Variants in TM9SF4 observed in about 807,000 individuals in gnomAD.
The protein encoded by TM9SF4 is dinucleotide oxidase disulfide thiol exchanger 3 superfamily member 4.
Under a neutral mutation model 90.4 loss-of-function variants are expected in TM9SF4, and 26 were observed. That is an observed-to-expected ratio of 0.29 (90% confidence interval 0.21 to 0.40). The LOEUF (loss-of-function observed/expected upper bound fraction) is 0.40. Among genes scored for constraint, TM9SF4 ranks in the 10% least tolerant of loss-of-function variants. The pLI is 1.00. For missense variants in TM9SF4, 549 were observed against 834.8 expected (o/e 0.66, Z 4.22); for synonymous variants, 293 against 315.4 (o/e 0.93, Z 0.75).
At chr20:32,119,116 CTG>C (rs2046270141) in intron 1 of TM9SF4, among the ~76,000 whole-genome samples, 1 of 152,088 alleles carries the variant, frequency 6.6e-6, no homozygotes, top group Non-Finnish European at 1.5e-5. Context: ...TTTTGGGAGA[CTG>C]TGTTGCTCAT....
chr20:32,128,790 C>CTGTGTG (rs55977888), intron 1 of TM9SF4, among the ~76,000 whole-genome samples: 2,920 of 145,330 alleles, frequency 0.02, 80 homozygotes, highest in African/African-American at 0.06. Flanking sequence ...GTATTCCATT[C>CTGTGTG]TGTGTGTGTG....
At chr20:32,123,238 A>G (rs1600788800) in intron 1 of TM9SF4, among the ~76,000 whole-genome samples, 2 of 68,824 alleles carry the variant, frequency 2.9e-5, no homozygotes, top group East Asian at 5.0e-4. Context: ...GGAGAGGGAG[A>G]GGCTTTTTTT....
chr20:32,163,269 ATATATATAT>A (rs376088978), intron 17 of TM9SF4, among the ~76,000 whole-genome samples: 1 of 66,974 alleles, frequency 1.5e-5, no homozygotes, highest in African/African-American at 7.1e-5. Context: ...AAAAAAAAAA[ATATATATAT>A]ATATATATAT....
At chr20:32,114,125 T>TA (rs1268097639) in intron 1 of TM9SF4, among the ~76,000 whole-genome samples, 1 of 152,210 alleles carries the variant, frequency 6.6e-6, no homozygotes, top group Non-Finnish European at 1.5e-5. Context: ...CATTCAGGTG[T>TA]AAGTTCTTGT....
intron 16 of TM9SF4, among the ~76,000 whole-genome samples, chr20:32,160,393 G>C (rs2046997848): frequency 6.6e-6 from 1 of 152,212 alleles, no homozygotes. Flanking sequence ...TCCAGTAGTA[G>C]TTTCTTCAAC....
rs934114859 is a variant in TM9SF4 at position 32,121,606 on chromosome 20, C to T, written c.16-11407C>T. Among the ~76,000 whole-genome samples, 678 of 152,196 alleles carry T rather than the reference C, an allele frequency of 4.5e-3. 3 individuals carry two copies. The highest frequency in any genetic ancestry group is 0.015 in the African/African-American group (642 of 41,516). On this transcript the variant is annotated intron_variant, in intron 1 of 17. Transcript: ENST00000398022. Reference sequence around the variant, plus strand: ...AAAAGTCTCCCATGTCTACTTCTTTCTACACAGACAAGGCAACCATCCGAT... The same window carrying T: ...AAAAGTCTCCCATGTCTACTTCTTTTTACACAGACAAGGCAACCATCCGAT...
Position 32,155,789 on chromosome 20 carries a change from G to A in TM9SF4, c.1329+603G>A, listed in dbSNP as rs562912394. Among the ~76,000 whole-genome samples the A allele has an allele frequency of 4.5e-3, 683 of 152,284 alleles. 3 individuals are homozygous for A. Among genetic ancestry groups the A allele is most frequent in the African/African-American group, 0.015 (638 of 41,556 alleles). ...CATTTTGCTATCCTAGCCTTAGCAC[G>A]TAGAGCCCTCTGCCCTCCACCTGGG... On this transcript the variant is annotated intron_variant, in intron 13 of 17. Coordinates refer to ENST00000398022, the MANE Select transcript of TM9SF4 (RefSeq NM_014742.4).
intron 12 of TM9SF4, among the ~76,000 whole-genome samples, chr20:32,152,457 G>A (rs1005754639): frequency 3.3e-5 from 5 of 151,214 alleles, no homozygotes; most frequent in Non-Finnish European, 7.4e-5. Flanking sequence ...TTCCTTCTCA[G>A]ACATCAAGTG....
chr20:32,161,369 C>T lies in TM9SF4; in HGVS notation c.1779+4C>T, dbSNP rs2047015925. ...CATCTTTTATTTCGTTAACAAGGTA[C>T]TGCCCTCCTTGAGGAGGTCCTCTTA... On this transcript the variant is annotated splice_donor_region_variant and intron_variant, in intron 17 of 17. Transcript: ENST00000398022. 6 of 1,613,552 alleles carry T rather than the reference C, an allele frequency of 3.7e-6. No individual in the cohort carries two copies. Among genetic ancestry groups the T allele is most frequent in the African/African-American group, 1.3e-5 (1 of 75,026 alleles).
intron 6 of TM9SF4, 111 bp downstream of exon 6, chr20:32,143,216 C>T (rs1158406656): frequency 1.6e-5 from 22 of 1,349,030 alleles, no homozygotes; most frequent in Admixed American, 2.3e-5. Flanking sequence ...TCGGGTGTGG[C>T]GTGTGGGCCC....
chr20:32,142,019 G>A, intron 5 of TM9SF4, 124 bp downstream of exon 5: 1 of 1,491,360 alleles, frequency 6.7e-7, no homozygotes, highest in Non-Finnish European at 9.1e-7. Flanking sequence ...GGGCATGATG[G>A]TCTGTCAGAG....
intron 1 of TM9SF4, among the ~76,000 whole-genome samples, chr20:32,112,387 G>A (rs373042692): frequency 1.3e-5 from 2 of 152,116 alleles, no homozygotes; most frequent in Non-Finnish European, 2.9e-5. Context: ...GCAACAGAGC[G>A]AGACCCTGTC....
In TM9SF4 at chr20:32,166,308, G is replaced by A. The variant is rs1443957109; in HGVS notation, c.*864G>A. ...CATCCACTTGTCTGTGTCTGGGAAG[G>A]GATGGCCAAGGCCGCTAGGGTCCTT... On this transcript the variant is annotated 3_prime_UTR_variant, in exon 18 of 18. Coordinates refer to ENST00000398022, the MANE Select transcript of TM9SF4 (RefSeq NM_014742.4). 2 of 152,842 alleles carry A rather than the reference G, an allele frequency of 1.3e-5. No individual in the cohort carries two copies. Among genetic ancestry groups the A allele is most frequent in the Admixed American group, 6.5e-5 (1 of 15,290 alleles). The allele number at this position is 152,842 out of a possible 1,614,324, so 9.5% of individuals were successfully genotyped here.
chr20:32,161,503 T>C (rs1007407655), intron 17 of TM9SF4, 138 bp downstream of exon 17: 27 of 675,878 alleles, frequency 4.0e-5, no homozygotes, highest in African/African-American at 5.4e-5. Context: ...CCTAGAACTG[T>C]TCCTGCTCTA....
At chr20:32,127,423 G>A (rs903031634) in intron 1 of TM9SF4, among the ~76,000 whole-genome samples, 3 of 152,076 alleles carry the variant, frequency 2.0e-5, no homozygotes, top group Admixed American at 6.6e-5. Flanking sequence ...CACCATCTGC[G>A]AAATGGTGAC....
At chr20:32,158,928 G>T (rs1247644215) in intron 15 of TM9SF4, among the ~76,000 whole-genome samples, 3 of 151,384 alleles carry the variant, frequency 2.0e-5, no homozygotes, top group African/African-American at 7.3e-5. Flanking sequence ...GTTGCAGTGA[G>T]CCAAGATCGC....
chr20:32,121,825 C>T (rs1290809985), intron 1 of TM9SF4, among the ~76,000 whole-genome samples: 7 of 149,342 alleles, frequency 4.7e-5, no homozygotes, highest in Non-Finnish European at 6.0e-5. Flanking sequence ...GCTGGCCGGG[C>T]GGGGGGCTGA....
rs563475766 is a variant in TM9SF4 at position 32,128,908 on chromosome 20, CT to C, written c.16-4104del. ...GGTGGGAGGTGCTGCTGGAAAGGCA[CT>C]GGGGCCGGTGGGTGGAAGTTCCTCC... On this transcript the variant is annotated intron_variant, in intron 1 of 17. Coordinates refer to ENST00000398022, the MANE Select transcript of TM9SF4 (RefSeq NM_014742.4). 1.9e-3 allele frequency among the ~76,000 whole-genome samples: 287 copies of C among 151,868 alleles called. 1 individual carries two copies. Among genetic ancestry groups the C allele is most frequent in the Non-Finnish European group, 3.1e-3 (212 of 67,984 alleles).
intron 1 of TM9SF4, among the ~76,000 whole-genome samples, chr20:32,123,214 GGGGAGGGGGAGAGGGAGA>G: frequency 5.1e-5 from 1 of 19,522 alleles, no homozygotes; most frequent in Non-Finnish European, 1.2e-4. Context: ...GAGGGGGAGG[GGGGAGGGGGAGAGGGAGA>G]GGGAGAGGCT....
Sources: allele counts gnomAD v4.1 joint callset (sites outside exome capture counted in the v4.1 genomes callset), GRCh38; gene constraint gnomAD v4.1.1; transcripts MANE v1.5; gene names NCBI Gene and HGNC (gene_info 2026-07-23, HGNC 2026-07-21).